Variants in MTCL3 observed in about 807,000 individuals in gnomAD.
MTCL3 encodes microtubule cross-linking factor 3.
the MTCL3 span, among the ~76,000 whole-genome samples, chr6:127,487,199 C>G: frequency 6.6e-6 from 1 of 152,270 alleles, no homozygotes; most frequent in African/African-American, 2.4e-5. Flanking sequence ...AGAGTTCCCA[C>G]TCTGAACAAC....
chr6:127,503,839 C>T, the MTCL3 span, among the ~76,000 whole-genome samples: 5 of 152,182 alleles, frequency 3.3e-5, no homozygotes, highest in African/African-American at 1.2e-4. Flanking sequence ...CACTAAGCAC[C>T]ATGGAAAGAG....
chr6:127,503,208 C>T, the MTCL3 span, among the ~76,000 whole-genome samples: 11 of 152,164 alleles, frequency 7.2e-5, no homozygotes, highest in Non-Finnish European at 7.4e-5. Context: ...CTGCAGACCA[C>T]GCGTTGGAGG....
At chr6:127,512,947 T>A in the MTCL3 span, 1 of 1,610,936 alleles carries the variant, frequency 6.2e-7, no homozygotes, top group East Asian at 2.2e-5. Context: ...TCAACTTCTA[T>A]GAGCTGTTGC....
At chr6:127,510,070 G>GT in the MTCL3 span, among the ~76,000 whole-genome samples, 117 of 150,792 alleles carry the variant, frequency 7.8e-4, no homozygotes, top group South Asian at 8.2e-3. Flanking sequence ...CTCCCTTCCT[G>GT]TTTTTTTTTA....
chr6:127,501,429 A>G, the MTCL3 span, among the ~76,000 whole-genome samples: 1 of 152,312 alleles, frequency 6.6e-6, no homozygotes, highest in South Asian at 2.1e-4. Flanking sequence ...ACAACTACAT[A>G]CTAACATATT....
At chr6:127,515,924 T>C in the MTCL3 span, 13 of 1,610,164 alleles carry the variant, frequency 8.1e-6, no homozygotes, top group Admixed American at 6.7e-5. This position sits in a 1 kb window ranked among gnomAD's most constrained non-coding sequence, Gnocchi z 4.3. Flanking sequence ...GAGTTTCTGC[T>C]GCCGGTTCCT....
chr6:127,507,305 G>A, the MTCL3 span, among the ~76,000 whole-genome samples: 26 of 152,240 alleles, frequency 1.7e-4, no homozygotes, highest in Admixed American at 1.7e-3. Flanking sequence ...GCCAAGAAAG[G>A]AACTGGAATC....
chr6:127,507,822 G>T, the MTCL3 span, among the ~76,000 whole-genome samples: 1 of 119,308 alleles, frequency 8.4e-6, no homozygotes, highest in African/African-American at 3.4e-5. Flanking sequence ...CAGCCTGGGC[G>T]ACAGAGCAAG....
At chr6:127,497,912 G>A in the MTCL3 span, among the ~76,000 whole-genome samples, 1 of 152,232 alleles carries the variant, frequency 6.6e-6, no homozygotes, top group East Asian at 1.9e-4. Context: ...GATGAATTTA[G>A]ACTCCCGACT....
At chr6:127,489,263 T>C in the MTCL3 span, among the ~76,000 whole-genome samples, 1 of 152,198 alleles carries the variant, frequency 6.6e-6, no homozygotes, top group South Asian at 2.1e-4. Context: ...GTGGTGTGTG[T>C]TCTATCTGCT....
At chr6:127,482,813 A>G in the MTCL3 span, 16 of 873,690 alleles carry the variant, frequency 1.8e-5, no homozygotes, top group South Asian at 9.5e-5. This position sits in a 1 kb window ranked among gnomAD's most constrained non-coding sequence, Gnocchi z 4.1. Flanking sequence ...TTTGTTTTGC[A>G]TAAGTTTATC....
the MTCL3 span, among the ~76,000 whole-genome samples, chr6:127,513,397 A>C: frequency 0.064 from 9,805 of 152,254 alleles, 367 homozygotes; most frequent in East Asian, 0.11. Context: ...TCTGTGGTAA[A>C]AAATGTTCTA....
the MTCL3 span, chr6:127,475,689 G>A: frequency 4.5e-5 from 71 of 1,582,646 alleles, no homozygotes; most frequent in Non-Finnish European, 6.0e-5. This position sits in a 1 kb window ranked among gnomAD's most constrained non-coding sequence, Gnocchi z 7.3. Context: ...AGTCGCTCTC[G>A]CCGCCGATGG....
the MTCL3 span, among the ~76,000 whole-genome samples, chr6:127,497,552 G>A: frequency 6.6e-6 from 1 of 152,184 alleles, no homozygotes; most frequent in Non-Finnish European, 1.5e-5. Flanking sequence ...CCTGAGTGCT[G>A]CAGTAGCAGC....
At chr6:127,475,936 T>C in the MTCL3 span, 1 of 1,613,004 alleles carries the variant, frequency 6.2e-7, no homozygotes, top group Middle Eastern at 1.7e-4. The surrounding 1 kb of genome is among the most constrained non-coding windows in gnomAD (Gnocchi z 7.3). Context: ...GGCCTCGGTC[T>C]TGGCGTTGTC....
At chr6:127,483,848 G>C in the MTCL3 span, among the ~76,000 whole-genome samples, 1 of 152,160 alleles carries the variant, frequency 6.6e-6, no homozygotes, top group Non-Finnish European at 1.5e-5. Context: ...TACACATTGA[G>C]GGGGAGACTC....
At chr6:127,516,228 G>C in the MTCL3 span, 1 of 1,433,116 alleles carries the variant, frequency 7.0e-7, no homozygotes, top group Non-Finnish European at 9.1e-7. Flanking sequence ...CCAGGGTCGC[G>C]GCGGGGGCCG....
chr6:127,487,463 G>T, the MTCL3 span, among the ~76,000 whole-genome samples: 6,008 of 152,204 alleles, frequency 0.039, 403 homozygotes, highest in African/African-American at 0.13. Context: ...GAGGCCCAGG[G>T]ATTGCCTGCT....
the MTCL3 span, chr6:127,515,495 GT>G: frequency 2.1e-6 from 3 of 1,411,300 alleles, no homozygotes; most frequent in Non-Finnish European, 2.8e-6. The surrounding 1 kb of genome is among the most constrained non-coding windows in gnomAD (Gnocchi z 4.3). Flanking sequence ...CCCCAGCCGG[GT>G]CCCCCCACCC....
Sources: allele counts gnomAD v4.1 joint callset (sites outside exome capture counted in the v4.1 genomes callset), GRCh38; gene constraint gnomAD v4.1.1; non-coding constraint Gnocchi (gnomAD v3.1); transcripts MANE v1.5; gene names NCBI Gene and HGNC (gene_info 2026-07-23, HGNC 2026-07-21).